Variants in AMD1 observed in about 807,000 individuals in gnomAD.
AMD1 encodes the protein adenosylmethionine decarboxylase 1.
AMD1 carries 11 observed loss-of-function variants against 40.2 expected under a neutral mutation model. That is an observed-to-expected ratio of 0.27 (90% CI 0.17 to 0.45). The LOEUF (loss-of-function observed/expected upper bound fraction) is 0.45, where lower values mean the gene tolerates loss of function less well. AMD1 is among the 20% of genes least tolerant of loss of function. The pLI, the probability that AMD1 is intolerant of heterozygous loss-of-function variation, is 1.00. For missense variants in AMD1, 257 were observed against 410.2 expected (o/e 0.63, Z 3.23); for synonymous variants, 121 against 130.8 (o/e 0.93, Z 0.51).
At chr6:110,865,344 T>G in the AMD1 span, among the ~76,000 whole-genome samples, 2 of 152,228 alleles carry the variant, frequency 1.3e-5, no homozygotes, top group Non-Finnish European at 2.9e-5. Context: ...ATGATACTGA[T>G]TCTTCACATT....
chr6:110,864,811 G>T, the AMD1 span, among the ~76,000 whole-genome samples: 1 of 152,150 alleles, frequency 6.6e-6, no homozygotes, highest in Non-Finnish European at 1.5e-5. Context: ...CCTTAACCTG[G>T]CTTGTCACAA....
chr6:110,841,837 C>G, the AMD1 span, among the ~76,000 whole-genome samples: 2 of 151,678 alleles, frequency 1.3e-5, no homozygotes, highest in African/African-American at 2.4e-5. Context: ...GAGACTCACT[C>G]TGTTCCCCAG....
At chr6:110,840,398 G>C in the AMD1 span, among the ~76,000 whole-genome samples, 2 of 152,036 alleles carry the variant, frequency 1.3e-5, no homozygotes, top group East Asian at 3.9e-4. Context: ...ACTTCTGATC[G>C]ACTGGCTTCA....
the AMD1 span, among the ~76,000 whole-genome samples, chr6:110,855,947 G>T: frequency 2.0e-5 from 3 of 152,054 alleles, no homozygotes; most frequent in Admixed American, 2.0e-4. Context: ...AAGCATCGTG[G>T]CACATGCCTG....
chr6:110,814,881 G>T, the AMD1 span: 12 of 1,277,702 alleles, frequency 9.4e-6, no homozygotes, highest in South Asian at 1.4e-4. Context: ...GTGTCCGGAC[G>T]CAACCCCGCG....
At chr6:110,829,321 C>G in the AMD1 span, among the ~76,000 whole-genome samples, 1 of 150,134 alleles carries the variant, frequency 6.7e-6, no homozygotes, top group African/African-American at 2.5e-5. Flanking sequence ...CCCTTGAGCC[C>G]AGGACTTCGA....
intron 1 of AMD1, among the ~76,000 whole-genome samples, chr6:110,878,000 A>C (rs79563566): frequency 1.3e-5 from 2 of 152,220 alleles, no homozygotes; most frequent in Non-Finnish European, 2.9e-5. Context: ...GGAGAAAAAA[A>C]TCCTGGAAAA....
the AMD1 span, among the ~76,000 whole-genome samples, chr6:110,826,970 G>A: frequency 6.6e-6 from 1 of 152,212 alleles, no homozygotes; most frequent in Non-Finnish European, 1.5e-5. Flanking sequence ...GGGATTACAG[G>A]CCTGAGCCAC....
chr6:110,889,453 A>G (rs1452808248), intron 3 of AMD1: 2 of 152,282 alleles, frequency 1.3e-5, no homozygotes, highest in African/African-American at 2.4e-5. Flanking sequence ...TTTATTTTTT[A>G]TTTTTTTGAG....
At chr6:110,816,883 G>A in the AMD1 span, among the ~76,000 whole-genome samples, 1 of 152,090 alleles carries the variant, frequency 6.6e-6, no homozygotes. Context: ...CCACCATGCC[G>A]GGCCCCACTT....
rs371774316 is a variant in AMD1 at position 110,893,551 on chromosome 6, A to G, written c.940A>G (p.Met314Val). Residue 314 changes from methionine (M) to valine (V), a missense_variant, in exon 9 of 9, where the codon ATG becomes GTG. By Grantham distance (21) the Met-to-Val change is conservative (BLOSUM62 1). Coordinates refer to ENST00000368885, the MANE Select transcript of AMD1 (RefSeq NM_001634.6). ...GFKRLDCQSAMFNDYNFVFTS... is the reference protein window; with the variant it reads ...GFKRLDCQSAVFNDYNFVFTS... ...TAAGCGTCTTGATTGCCAGAGTGCT[A>G]TGTTCAATGATTACAATTTTGTTTT... The G allele has an allele frequency of 1.2e-5, 19 of 1,613,946 alleles. No individual in the cohort carries two copies. Among genetic ancestry groups the G allele is most frequent in the South Asian group, 7.7e-5 (7 of 91,082 alleles).
the AMD1 span, among the ~76,000 whole-genome samples, chr6:110,820,574 A>G: frequency 9.9e-5 from 15 of 151,652 alleles, no homozygotes; most frequent in South Asian, 2.1e-4. Flanking sequence ...AGTGGGCCCA[A>G]TGCTCACAAA....
chr6:110,880,536 A>G (rs1458030387), intron 1 of AMD1, among the ~76,000 whole-genome samples: 1 of 152,114 alleles, frequency 6.6e-6, no homozygotes, highest in East Asian at 1.9e-4. Context: ...ATTTTTGTTT[A>G]TGATGTAAGG....
At chr6:110,863,326 G>A in the AMD1 span, among the ~76,000 whole-genome samples, 1 of 148,676 alleles carries the variant, frequency 6.7e-6, no homozygotes, top group Non-Finnish European at 1.5e-5. Context: ...CTTCTACAAA[G>A]TAGAAGCTTC....
the AMD1 span, among the ~76,000 whole-genome samples, chr6:110,854,382 G>A: frequency 6.6e-6 from 1 of 152,066 alleles, no homozygotes; most frequent in Non-Finnish European, 1.5e-5. Context: ...TTTATGTAGG[G>A]CAGCAAGGTG....
At chr6:110,822,219 A>G in the AMD1 span, among the ~76,000 whole-genome samples, 1 of 152,182 alleles carries the variant, frequency 6.6e-6, no homozygotes, top group Admixed American at 6.6e-5. Flanking sequence ...AGAAGATTCA[A>G]ATAAGCTCAA....
At chr6:110,842,989 C>A in the AMD1 span, among the ~76,000 whole-genome samples, 1 of 151,868 alleles carries the variant, frequency 6.6e-6, no homozygotes, top group Non-Finnish European at 1.5e-5. Flanking sequence ...AAAAATTAGC[C>A]GGGCATGGTG....
the AMD1 span, among the ~76,000 whole-genome samples, chr6:110,857,595 T>C: frequency 2.3e-5 from 2 of 86,416 alleles, no homozygotes; most frequent in African/African-American, 6.4e-5. Flanking sequence ...ATATAGATGG[T>C]ATATATATAT....
intron 1 of AMD1, among the ~76,000 whole-genome samples, chr6:110,882,689 A>C (rs1785474314): frequency 6.6e-6 from 1 of 152,158 alleles, no homozygotes; most frequent in Non-Finnish European, 1.5e-5. Flanking sequence ...AGACAGTTTA[A>C]CTGTTTGTCC....
Sources: gnomAD v4.1 joint callset for allele counts (sites outside exome capture counted in the v4.1 genomes callset) on GRCh38, gnomAD v4.1.1 for gene constraint, MANE v1.5 for transcripts, NCBI Gene and HGNC (gene_info 2026-07-23, HGNC 2026-07-21) for gene names.